ST8SIA3: variants seen among roughly 807,000 people sequenced by gnomAD.
The protein encoded by ST8SIA3 is ST8 alpha-N-acetyl-neuraminide alpha-2,8-sialyltransferase 3, also known as alpha-N-acetylneuraminate alpha-2,8-sialyltransferase ST8SIA3.
ST8SIA3 carries 17 observed loss-of-function variants against 34.5 expected under a neutral mutation model. The ratio of observed to expected loss-of-function variants is 0.49; its 90% CI spans 0.34 to 0.74. The LOEUF (loss-of-function observed/expected upper bound fraction) is 0.74. Ranked by LOEUF, ST8SIA3 falls within the 30% of genes least tolerant of loss-of-function variation. The probability of loss-of-function intolerance (pLI) is 0.01; values close to 1 mark genes in which losing one functional copy is unlikely to be tolerated. For synonymous variants in ST8SIA3, 172 were observed against 176.1 expected (o/e 0.98, Z 0.19); for missense variants, 354 against 467.8 (o/e 0.76, Z 2.24).
In ST8SIA3 at chr18:57,362,317, G is replaced by A. The variant is rs188409881; in HGVS notation, c.*2040G>A. On this transcript the variant is annotated 3_prime_UTR_variant, in exon 4 of 4. Coordinates refer to ENST00000324000, the MANE Select transcript of ST8SIA3 (RefSeq NM_015879.3). ...CTGTTCCTGAGCACTTAGTTCATTT[G>A]GTTATAGCTAAGTGATATTAATGCC... The A allele has an allele frequency of 6.6e-5, 10 of 152,180 alleles. No individual in the cohort carries two copies. Among genetic ancestry groups the A allele is most frequent in the Admixed American group, 4.6e-4 (7 of 15,286 alleles). The allele number at this position is 152,180 out of a possible 1,614,324, so 9.4% of individuals were successfully genotyped here.
Position 57,367,398 on chromosome 18 carries a change from C to T in ST8SIA3, c.*7121C>T, listed in dbSNP as rs1176773291. 2.6e-5 allele frequency: 4 copies of T among 152,600 alleles called. No homozygotes were observed. Among genetic ancestry groups the T allele is most frequent in the African/African-American group, 9.7e-5 (4 of 41,430 alleles). The allele number at this position is 152,600 out of a possible 1,614,324, so 9.5% of individuals were successfully genotyped here. A position where few individuals can be genotyped will look rare whatever the true frequency, so the allele number is the denominator to read the frequency against. On this transcript the variant is annotated 3_prime_UTR_variant, in exon 4 of 4. Transcript: ENST00000324000. The stretch of plus-strand genomic sequence containing the variant: ...AGGTGCATGTTCAGATGTCTGTATT[C>T]CCAATACATTGCATGCAGCCTGAGC...
In ST8SIA3 at chr18:57,362,374, G is replaced by C. The variant is rs1225740303; in HGVS notation, c.*2097G>C. On this transcript the variant is annotated 3_prime_UTR_variant, in exon 4 of 4. Coordinates refer to ENST00000324000, the MANE Select transcript of ST8SIA3 (RefSeq NM_015879.3). ...ACTTGGGCCAGATTCTGACTCTGGA[G>C]TTTTAATCCCAATGTGCCCATTCAT... 6.6e-6 allele frequency: 1 copy of C among 152,222 alleles called. No homozygotes were observed. Among genetic ancestry groups the C allele is most frequent in the African/African-American group, 2.4e-5 (1 of 41,468 alleles). The allele number at this position is 152,222 out of a possible 1,614,324, so 9.4% of individuals were successfully genotyped here.
At position 57,368,287 on chromosome 18, in the gene ST8SIA3, T is replaced by G. The variant is rs927768142; in HGVS notation, c.*8010T>G. 6.6e-6 allele frequency: 1 copy of G among 152,182 alleles called. No homozygotes were observed. Among genetic ancestry groups the G allele is most frequent in the Non-Finnish European group, 1.5e-5 (1 of 68,040 alleles). The allele number at this position is 152,182 out of a possible 1,614,324, so 9.4% of individuals were successfully genotyped here. ...TTGATTTCACCATTGCATTTCAGCA[T>G]TTTAAAGAATAGTGTATCAGTATAG... On this transcript the variant is annotated 3_prime_UTR_variant, in exon 4 of 4. Transcript: ENST00000324000.
chr18:57,359,884 C>T, intron 3 of ST8SIA3, 111 bp from the exon 4 acceptor site: 1 of 890,254 alleles, frequency 1.1e-6, no homozygotes, highest in Non-Finnish European at 1.7e-6. Context: ...TCAAAACAAG[C>T]ACTATTTAAG....
Position 57,360,115 on chromosome 18 carries a change from C to A in ST8SIA3, c.981C>A (p.Asp327Glu). 6.2e-7 allele frequency: 1 copy of A among 1,614,098 alleles called. No individual in the cohort carries two copies. Among genetic ancestry groups the A allele is most frequent in the Non-Finnish European group, 8.5e-7 (1 of 1,179,986 alleles). Residue 327 changes from aspartate to glutamate, a missense_variant, in exon 4 of 4, where the codon GAC becomes GAA. Transcript: ENST00000324000. ...HLYGFWPFGF[D>E]PNTREDLPYH... ...ATGGATTTTGGCCGTTTGGATTTGA[C>A]CCCAACACAAGGGAAGATCTTCCAT...
In ST8SIA3 at chr18:57,365,592, A is replaced by G. The variant is rs2049856273; in HGVS notation, c.*5315A>G. The stretch of plus-strand genomic sequence containing the variant: ...AACTGAAGTGATTCATTCAGATTCA[A>G]TTTGGAAGTCATTCCCAGAGCCTAA... On this transcript the variant is annotated 3_prime_UTR_variant, in exon 4 of 4. Coordinates refer to ENST00000324000, the MANE Select transcript of ST8SIA3 (RefSeq NM_015879.3). The G allele has an allele frequency of 6.6e-6, 1 of 152,224 alleles. No homozygotes were observed. The highest frequency in any genetic ancestry group is 1.5e-5 in the Non-Finnish European group (1 of 68,040). 9.4% of individuals were successfully genotyped at this position (152,224 alleles called of 1,614,324 possible).
Position 57,353,015 on chromosome 18 carries a change from G to A in ST8SIA3, c.169G>A (p.Ala57Thr), listed in dbSNP as rs774641774. 1.2e-6 allele frequency: 2 copies of A among 1,608,048 alleles called. No homozygotes were observed. Among genetic ancestry groups the A allele is most frequent in the Admixed American group, 3.3e-5 (2 of 59,986 alleles). ...PGAPRMYMFH[A>T]GFRSQFALKF... ...GGCGCCCCGAATGTACATGTTCCAC[G>A]CGGGATTCCGGTGAGTGCGGGCCTC... Residue 57 changes from alanine to threonine, a missense_variant, in exon 1 of 4, where the codon GCG becomes ACG. Ala to Thr is a moderately conservative substitution (Grantham distance 58). Around this residue, in one of 3 missense-constraint regions of ST8SIA3, gnomAD observed 184 missense variants for 205.4 expected, o/e 0.90. Transcript: ENST00000324000.
At position 57,362,199 on chromosome 18, in the gene ST8SIA3, C is replaced by G. The variant is rs566333822; in HGVS notation, c.*1922C>G. On this transcript the variant is annotated 3_prime_UTR_variant, in exon 4 of 4. Transcript: ENST00000324000. ...TATCACAACCACACCGTGTTTGTTC[C>G]CTGTCCCTTTGAAGAGGACTGTACT... The G allele has an allele frequency of 1.3e-5, 2 of 152,108 alleles. No homozygotes were observed. Among genetic ancestry groups the G allele is most frequent in the Non-Finnish European group, 2.9e-5 (2 of 68,036 alleles). 9.4% of individuals were successfully genotyped at this position (152,108 alleles called of 1,614,324 possible). A position where few individuals can be genotyped will look rare whatever the true frequency, so the allele number is the denominator to read the frequency against.
At position 57,354,435 on chromosome 18, in the gene ST8SIA3, A is replaced by G; in HGVS notation, c.213A>G (p.Ser71=). The stretch of plus-strand genomic sequence containing the variant: ...TTGCGCTGAAGTTTCTAGACCCGTC[A>G]TTCGTGCCCATTACGAATTCTCTCA... ...SQFALKFLDP[S]FVPITNSLTQ... Residue 71 remains serine, a synonymous_variant, in exon 2 of 4, where the codon TCA becomes TCG. Coordinates refer to ENST00000324000, the MANE Select transcript of ST8SIA3 (RefSeq NM_015879.3). The G allele has an allele frequency of 6.2e-7, 1 of 1,614,182 alleles. No individual in the cohort carries two copies. Among genetic ancestry groups the G allele is most frequent in the Non-Finnish European group, 8.5e-7 (1 of 1,180,018 alleles).
intron 1 of ST8SIA3, among the ~76,000 whole-genome samples, chr18:57,353,912 C>T (rs2144197827): frequency 6.6e-6 from 1 of 152,312 alleles, no homozygotes; most frequent in African/African-American, 2.4e-5. Flanking sequence ...GGGTCCCCAG[C>T]CAAGTTATAG....
Position 57,368,340 on chromosome 18 carries a change from A to G in ST8SIA3, c.*8063A>G, listed in dbSNP as rs1201535701. The G allele has an allele frequency of 6.6e-6, 1 of 152,260 alleles. No individual in the cohort carries two copies. Among genetic ancestry groups the G allele is most frequent in the East Asian group, 1.9e-4 (1 of 5,202 alleles). The allele number at this position is 152,260 out of a possible 1,614,324, so 9.4% of individuals were successfully genotyped here. On this transcript the variant is annotated 3_prime_UTR_variant, in exon 4 of 4. Transcript: ENST00000324000. ...GGAGGAGCAAAGCTCTTTAAGAGTA[A>G]TGATGAAACCAAAAGGTCAAAAAGT...
In ST8SIA3 at chr18:57,363,889, A is replaced by G. The variant is rs1014367748; in HGVS notation, c.*3612A>G. 2.0e-5 allele frequency: 3 copies of G among 152,180 alleles called. No individual in the cohort carries two copies. Among genetic ancestry groups the G allele is most frequent in the African/African-American group, 7.2e-5 (3 of 41,426 alleles). 9.4% of individuals were successfully genotyped at this position (152,180 alleles called of 1,614,324 possible). ...CCCAGATGACACTGTCAATTAGTGG[A>G]GAAATTATGATTCCTCCTCTAGTAC... is the stretch of plus-strand genomic sequence containing the variant. On this transcript the variant is annotated 3_prime_UTR_variant, in exon 4 of 4. Coordinates refer to ENST00000324000, the MANE Select transcript of ST8SIA3 (RefSeq NM_015879.3).
rs2049841456 is a variant in ST8SIA3, at chr18:57,363,180, C to G, written c.*2903C>G. ...AGGCTTTCTACCCATAACACCAACA[C>G]AAAAAACCAATTAAGTTGCAGAGGG... On this transcript the variant is annotated 3_prime_UTR_variant, in exon 4 of 4. Coordinates refer to ENST00000324000, the MANE Select transcript of ST8SIA3 (RefSeq NM_015879.3). 1 of 152,182 alleles carries G rather than the reference C, an allele frequency of 6.6e-6. No homozygotes were observed. Among genetic ancestry groups the G allele is most frequent in the Non-Finnish European group, 1.5e-5 (1 of 68,046 alleles). 9.4% of individuals were successfully genotyped at this position (152,182 alleles called of 1,614,324 possible). A position where few individuals can be genotyped will look rare whatever the true frequency, so the allele number is the denominator to read the frequency against.
Position 57,367,786 on chromosome 18 carries a change from C to T in ST8SIA3, c.*7509C>T, listed in dbSNP as rs2049868882. 6.6e-6 allele frequency: 1 copy of T among 152,576 alleles called. No homozygotes were observed. Among genetic ancestry groups the T allele is most frequent in the Non-Finnish European group, 1.5e-5 (1 of 68,036 alleles). 9.5% of individuals were successfully genotyped at this position (152,576 alleles called of 1,614,324 possible). A position where few individuals can be genotyped will look rare whatever the true frequency, so the allele number is the denominator to read the frequency against. On this transcript the variant is annotated 3_prime_UTR_variant, in exon 4 of 4. Coordinates refer to ENST00000324000, the MANE Select transcript of ST8SIA3 (RefSeq NM_015879.3). ...TGCTCTTTAGCCATATTTCAAGATC[C>T]AGATCTGAACCCATACTGTGCAGAA...
rs1162756200 is a variant in ST8SIA3 at position 57,367,487 on chromosome 18, G to A, written c.*7210G>A. 2 of 152,602 alleles carry A rather than the reference G, an allele frequency of 1.3e-5. No individual in the cohort carries two copies. Among genetic ancestry groups the A allele is most frequent in the Non-Finnish European group, 2.9e-5 (2 of 68,034 alleles). The allele number at this position is 152,602 out of a possible 1,614,324, so 9.5% of individuals were successfully genotyped here. ...CAAACAGAGAAGTCCACAGCTACAA[G>A]CACAAGGGGCTTGACAGGTAGGCCT... On this transcript the variant is annotated 3_prime_UTR_variant, in exon 4 of 4. Transcript: ENST00000324000.
At position 57,357,256 on chromosome 18, in the gene ST8SIA3, G is replaced by GA; in HGVS notation, c.651dup (p.Tyr218IlefsTer12). On this transcript the variant is annotated frameshift_variant, in exon 3 of 4. Transcript: ENST00000324000. LOFTEE classifies it high-confidence loss of function. ...TACCACCTTCAACCCCAGCATCCTGGAAAAATATTACAACAATCTCTTGAC... is the reference window on the plus strand; with the variant it reads ...TACCACCTTCAACCCCAGCATCCTGGAAAAAATATTACAACAATCTCTTGAC... 1 of 1,614,114 alleles carries GA rather than the reference G, an allele frequency of 6.2e-7. No homozygotes were observed. Among genetic ancestry groups the GA allele is most frequent in the Non-Finnish European group, 8.5e-7 (1 of 1,179,992 alleles).
chr18:57,353,599 T>G (rs917402824), intron 1 of ST8SIA3, among the ~76,000 whole-genome samples: 4 of 151,808 alleles, frequency 2.6e-5, no homozygotes, highest in Non-Finnish European at 5.9e-5. Flanking sequence ...CCACCAGCTT[T>G]CCGGGATTTC....
chr18:57,354,643 C>T, intron 2 of ST8SIA3, 119 bp downstream of exon 2: 2 of 1,198,212 alleles, frequency 1.7e-6, no homozygotes, highest in East Asian at 5.0e-5. Context: ...ACGCCCCACC[C>T]TCACCATCAG....
chr18:57,360,310 T>A lies in ST8SIA3; in HGVS notation c.*33T>A. 1 of 1,593,430 alleles carries A rather than the reference T, an allele frequency of 6.3e-7. No individual in the cohort carries two copies. Among genetic ancestry groups the A allele is most frequent in the Non-Finnish European group, 8.6e-7 (1 of 1,167,634 alleles). ...AAACGGAAAGCGCCAAATGGCTGTT[T>A]AAAAAGTGCCCCAAATCAAATTGAA... is the stretch of plus-strand genomic sequence containing the variant. On this transcript the variant is annotated 3_prime_UTR_variant, in exon 4 of 4. Coordinates refer to ENST00000324000, the MANE Select transcript of ST8SIA3 (RefSeq NM_015879.3).
Sources: allele counts gnomAD v4.1 joint callset (sites outside exome capture counted in the v4.1 genomes callset), GRCh38; gene constraint gnomAD v4.1.1; regional missense constraint gnomAD v4.1.1; transcripts MANE v1.5; gene names NCBI Gene and HGNC (gene_info 2026-07-23, HGNC 2026-07-21).